API5: variants seen among roughly 807,000 people sequenced by gnomAD.
The protein encoded by API5 is FIF.
API5 carries 6 observed loss-of-function variants against 71.9 expected under a neutral mutation model. The observed-to-expected ratio is 0.08, with a 90% CI of 0.05 to 0.16. The LOEUF (loss-of-function observed/expected upper bound fraction) is 0.16. API5 is among the 10% of genes least tolerant of loss of function. API5 has a pLI of 1.00. For synonymous variants in API5, 189 were observed against 221.3 expected (o/e 0.85, Z 1.30); for missense variants, 332 against 612.8 (o/e 0.54, Z 4.84).
chr11:43,335,900 C>T lies in API5; in HGVS notation c.1398C>T (p.Pro466=). 2 of 1,613,348 alleles carry T rather than the reference C, an allele frequency of 1.2e-6. No individual in the cohort carries two copies. Among genetic ancestry groups the T allele is most frequent in the Non-Finnish European group, 1.7e-6 (2 of 1,179,834 alleles). ...AAGATACAACTTCAGGTTCACCACC[C>T]AAGAAATCTTCAGCAGGACCAAAAA... The part of the protein sequence containing the change: ...ASEDTTSGSP[P]KKSSAGPKRD... The change falls in exon 13 of 14, where the codon CCC becomes CCT. Residue 466 remains proline (P), a synonymous_variant. Coordinates refer to ENST00000531273, the MANE Select transcript of API5 (RefSeq NM_001142930.2).
intron 9 of API5, chr11:43,329,349 A>C (rs1855175670): frequency 7.2e-6 from 1 of 138,724 alleles, no homozygotes; most frequent in African/African-American, 2.7e-5. Context: ...CTGAAAAAAG[A>C]AACAGTAAAA....
chr11:43,330,747 A>G (rs5743248), intron 11 of API5, among the ~76,000 whole-genome samples, 183 bp downstream of exon 11: 3,845 of 152,332 alleles, frequency 0.025, 77 homozygotes, highest in Non-Finnish European at 0.038. Flanking sequence ...AGTGGTCTTA[A>G]TTAGCTGTTG....
At chr11:43,323,398 C>G in intron 5 of API5, 32 bp from the exon 6 acceptor site, 1 of 1,550,708 alleles carries the variant, frequency 6.4e-7, no homozygotes, top group Non-Finnish European at 8.9e-7. Context: ...AAATGATGAA[C>G]ATACTCTTAT....
chr11:43,322,851 C>A (rs1426097754), intron 5 of API5, among the ~76,000 whole-genome samples: 3 of 152,098 alleles, frequency 2.0e-5, no homozygotes. Context: ...TTTACCTATG[C>A]CCCAGCTTGT....
chr11:43,325,556 C>T (rs1245602299), intron 6 of API5, among the ~76,000 whole-genome samples: 1 of 152,094 alleles, frequency 6.6e-6, no homozygotes, highest in Non-Finnish European at 1.5e-5. Context: ...TATTCAATTC[C>T]GACTGAAAAA....
chr11:43,332,671 C>T (rs1377123759), intron 11 of API5, among the ~76,000 whole-genome samples: 1 of 152,076 alleles, frequency 6.6e-6, no homozygotes, highest in African/African-American at 2.4e-5. Flanking sequence ...TCCTGGAACA[C>T]CCAACCCCCC....
chr11:43,321,449 T>C lies in API5; in HGVS notation c.364T>C (p.Leu122=). 6.2e-7 allele frequency: 1 copy of C among 1,611,350 alleles called. No individual in the cohort carries two copies. The highest frequency in any genetic ancestry group is 1.3e-5 in the African/African-American group (1 of 74,974). ...ATTTAACCTAGTGAACAATGCCCTA[T>C]TAAGTATATTTAAAATGGATGCAAA... The part of the protein sequence containing the change: ...AEFNLVNNAL[L]SIFKMDAKGT... Residue 122 remains leucine (L), a synonymous_variant, in exon 4 of 14, where the codon TTA becomes CTA. Coordinates refer to ENST00000531273, the MANE Select transcript of API5 (RefSeq NM_001142930.2).
chr11:43,320,236 G>A (rs1854826827), intron 2 of API5, among the ~76,000 whole-genome samples: 1 of 151,452 alleles, frequency 6.6e-6, no homozygotes. Flanking sequence ...AGTACGGACA[G>A]GGTTTCACCA....
chr11:43,338,736 C>T (rs1455923210), intron 13 of API5, among the ~76,000 whole-genome samples: 1 of 150,448 alleles, frequency 6.6e-6, no homozygotes, highest in Non-Finnish European at 1.5e-5. Context: ...TTAATTTCCT[C>T]ATTAGGTACA....
chr11:43,312,111 T>A lies in API5; in HGVS notation c.-17T>A. ...GGACAAGGATAGCGGAACCGGGCCC[T>A]GGGCTTGTCGCTCACCATGCCGACA... On this transcript the variant is annotated 5_prime_UTR_variant, in exon 1 of 14. Transcript: ENST00000531273. 2 of 1,613,362 alleles carry A rather than the reference T, an allele frequency of 1.2e-6. No individual in the cohort carries two copies. Among genetic ancestry groups the A allele is most frequent in the Non-Finnish European group, 1.7e-6 (2 of 1,179,850 alleles).
chr11:43,332,404 G>T (rs1003511234), intron 11 of API5, among the ~76,000 whole-genome samples: 5 of 152,140 alleles, frequency 3.3e-5, no homozygotes, highest in African/African-American at 4.8e-5. Context: ...CCATGCTTCT[G>T]ATTGGCTGGC....
chr11:43,312,437 C>G (rs572640351), intron 1 of API5, among the ~76,000 whole-genome samples: 264 of 152,290 alleles, frequency 1.7e-3, no homozygotes, highest in Non-Finnish European at 2.2e-3. Flanking sequence ...CCTTTTCTCA[C>G]CGTGGCGTAA....
At chr11:43,313,943 G>A (rs144961530) in intron 1 of API5, among the ~76,000 whole-genome samples, 1 of 152,044 alleles carries the variant, frequency 6.6e-6, no homozygotes, top group Non-Finnish European at 1.5e-5. Flanking sequence ...ACAAAAATTA[G>A]CCAGGCGTGG....
intron 11 of API5, among the ~76,000 whole-genome samples, chr11:43,333,293 T>C (rs956247279): frequency 2.6e-5 from 4 of 152,190 alleles, no homozygotes; most frequent in African/African-American, 9.6e-5. Context: ...CTTATCATAC[T>C]TATCAACTTA....
Position 43,312,064 on chromosome 11 carries a change from G to T in API5, c.-64G>T, listed in dbSNP as rs1854488980. On this transcript the variant is annotated 5_prime_UTR_variant, in exon 1 of 14. Coordinates refer to ENST00000531273, the MANE Select transcript of API5 (RefSeq NM_001142930.2). ...CGGGTAGTGGGTTTGGAGAAGTTCC[G>T]AGGCGGCGGTGGCGCCGGTCAGGAC... 21 of 1,582,800 alleles carry T rather than the reference G, an allele frequency of 1.3e-5. No individual in the cohort carries two copies. The highest frequency in any genetic ancestry group is 3.3e-5 in the South Asian group (3 of 89,678).
At chr11:43,316,326 T>A (rs7944705) in intron 1 of API5, among the ~76,000 whole-genome samples, 8,618 of 152,238 alleles carry the variant, frequency 0.057, 286 homozygotes, top group African/African-American at 0.095. Flanking sequence ...AATGATTCCT[T>A]TTTATTTGAT....
chr11:43,313,017 G>A (rs907489359), intron 1 of API5, among the ~76,000 whole-genome samples: 1 of 151,812 alleles, frequency 6.6e-6, no homozygotes, highest in African/African-American at 2.4e-5. Flanking sequence ...TGAGGTGGGA[G>A]GATTGCTTGA....
At chr11:43,330,480 T>C in intron 10 of API5, 28 bp from the exon 11 acceptor site, 1 of 1,505,402 alleles carries the variant, frequency 6.6e-7, no homozygotes. Context: ...TATTGGCAAT[T>C]TGTCTTAATT....
chr11:43,333,292 C>T (rs754020004), intron 11 of API5, among the ~76,000 whole-genome samples: 2 of 152,130 alleles, frequency 1.3e-5, no homozygotes, highest in Non-Finnish European at 1.5e-5. Context: ...ACTTATCATA[C>T]TTATCAACTT....
Sources: gnomAD v4.1 joint callset for allele counts (sites outside exome capture counted in the v4.1 genomes callset) on GRCh38, gnomAD v4.1.1 for gene constraint, MANE v1.5 for transcripts, NCBI Gene and HGNC (gene_info 2026-07-23, HGNC 2026-07-21) for gene names.